KIRREL1: variants seen among roughly 807,000 people sequenced by gnomAD.
KIRREL1 encodes kin of IRRE-like protein 1.
A neutral mutation model predicts 83.3 loss-of-function variants in KIRREL1; 25 were observed. The ratio of observed to expected loss-of-function variants is 0.30; its 90% CI spans 0.22 to 0.42. The LOEUF (loss-of-function observed/expected upper bound fraction) is 0.42, where lower values mean the gene tolerates loss of function less well. Among genes scored for constraint, KIRREL1 ranks in the 10% least tolerant of loss-of-function variants. KIRREL1 has a pLI of 1.00. For missense variants in KIRREL1, 812 were observed against 1,032.3 expected, an observed-to-expected ratio of 0.79 and a Z score of 2.92; for synonymous variants, 388 against 410.4, an observed-to-expected ratio of 0.95 and a Z score of 0.66.
At position 158,095,995 on chromosome 1, in the gene KIRREL1, GA is replaced by G. The variant is rs1365498407; in HGVS notation, c.*876del. On this transcript the variant is annotated 3_prime_UTR_variant, in exon 15 of 15. Transcript: ENST00000359209. ...GCCCCACTTCCTGGCTTTAACTCTT[GA>G]GCTGGTTTGGGGAGTGGTGAGGTAG... The G allele has an allele frequency of 1.3e-5, 2 of 155,490 alleles. No homozygotes were observed. Among genetic ancestry groups the G allele is most frequent in the African/African-American group, 4.8e-5 (2 of 41,456 alleles). The allele number at this position is 155,490 out of a possible 1,614,324, so 9.6% of individuals were successfully genotyped here. A position where few individuals can be genotyped will look rare whatever the true frequency, so the allele number is the denominator to read the frequency against.
chr1:158,051,168 G>A (rs1000326081), intron 1 of KIRREL1, among the ~76,000 whole-genome samples: 2 of 152,214 alleles, frequency 1.3e-5, no homozygotes, highest in Non-Finnish European at 2.9e-5. Context: ...GCAGCCCAGT[G>A]TAGTTGCAAG....
At chr1:158,067,369 G>C (rs1437429303) in intron 1 of KIRREL1, among the ~76,000 whole-genome samples, 1 of 152,152 alleles carries the variant, frequency 6.6e-6, no homozygotes, top group East Asian at 1.9e-4. Context: ...CACACCCACA[G>C]ACCTCCCTCC....
At chr1:158,073,791 C>G (rs138414520) in intron 1 of KIRREL1, among the ~76,000 whole-genome samples, 22 of 152,348 alleles carry the variant, frequency 1.4e-4, no homozygotes, top group Non-Finnish European at 5.9e-5. Context: ...TGCTTCCCAT[C>G]TCCATCTTGC....
Position 158,086,869 on chromosome 1 carries a change from T to C in KIRREL1, c.661+123T>C, listed in dbSNP as rs373621646. On this transcript the variant is annotated intron_variant, in intron 5 of 14. Coordinates refer to ENST00000359209, the MANE Select transcript of KIRREL1 (RefSeq NM_018240.7). ...CCCCTATGGTCCCCAGGACAAACGC[T>C]TGCCTTCTTCACATCTTTCATTCCC... 5.6e-5 allele frequency: 47 copies of C among 842,764 alleles called. No homozygotes were observed. The East Asian group carries it at 7.8e-4, about 14-fold the overall frequency. The allele number at this position is 842,764 out of a possible 1,614,324, so 52.2% of individuals were successfully genotyped here.
rs564050537 is a variant in KIRREL1 at position 158,097,459 on chromosome 1, G to T, written c.*2339G>T. 3.3e-5 allele frequency: 7 copies of T among 213,894 alleles called. No individual in the cohort carries two copies. Among genetic ancestry groups the T allele is most frequent in the Non-Finnish European group, 6.5e-5 (7 of 107,514 alleles). 13.2% of individuals were successfully genotyped at this position (213,894 alleles called of 1,614,324 possible). On this transcript the variant is annotated 3_prime_UTR_variant, in exon 15 of 15. Transcript: ENST00000359209. The stretch of plus-strand genomic sequence containing the variant: ...GTTACTAGGTAATTGAGCTGATGGT[G>T]CAGGGAGAATTGTTGAGAAAGGAAG...
At chr1:158,017,646 T>G (rs1025310232) in intron 1 of KIRREL1, among the ~76,000 whole-genome samples, 1 of 152,000 alleles carries the variant, frequency 6.6e-6, no homozygotes, top group Non-Finnish European at 1.5e-5. Flanking sequence ...GAGCCGAGAT[T>G]GCGCTACTGC....
At chr1:158,042,336 G>A (rs1326582610) in intron 1 of KIRREL1, among the ~76,000 whole-genome samples, 1 of 152,240 alleles carries the variant, frequency 6.6e-6, no homozygotes, top group African/African-American at 2.4e-5. Flanking sequence ...GGCACCAGTT[G>A]AGAGTGACCT....
chr1:158,017,509 T>G (rs1226916372), intron 1 of KIRREL1, among the ~76,000 whole-genome samples: 1 of 151,890 alleles, frequency 6.6e-6, no homozygotes, highest in African/African-American at 2.4e-5. Context: ...CTGGCCAACA[T>G]GGTGAAATCT....
intron 1 of KIRREL1, among the ~76,000 whole-genome samples, chr1:158,057,853 C>A (rs1011836889): frequency 6.6e-6 from 1 of 152,200 alleles, no homozygotes; most frequent in Non-Finnish European, 1.5e-5. Flanking sequence ...TGTCTTTGGA[C>A]CTCAGTGTCC....
intron 1 of KIRREL1, among the ~76,000 whole-genome samples, chr1:158,056,019 C>T (rs1260169649): frequency 1.3e-5 from 2 of 152,214 alleles, no homozygotes; most frequent in Admixed American, 6.5e-5. Context: ...CCCTCAGCCC[C>T]ATCCCCCTCC....
intron 1 of KIRREL1, among the ~76,000 whole-genome samples, chr1:158,007,742 G>A (rs1328690998): frequency 2.0e-5 from 3 of 151,972 alleles, no homozygotes; most frequent in Non-Finnish European, 4.4e-5. Context: ...AAGGGTAGGA[G>A]GGTAGGACAA....
At chr1:158,079,216 T>C (rs1422589317) in intron 3 of KIRREL1, among the ~76,000 whole-genome samples, 2 of 152,234 alleles carry the variant, frequency 1.3e-5, no homozygotes, top group Non-Finnish European at 2.9e-5. Context: ...TTGAAATCAC[T>C]GAATTTGCGG....
At chr1:158,050,493 A>G (rs1245707123) in intron 1 of KIRREL1, among the ~76,000 whole-genome samples, 1 of 152,056 alleles carries the variant, frequency 6.6e-6, no homozygotes, top group African/African-American at 2.4e-5. Context: ...ACATCCCTCG[A>G]ACATTAAACA....
chr1:158,093,228 A>T, intron 11 of KIRREL1, 111 bp from the exon 12 acceptor site: 1 of 846,014 alleles, frequency 1.2e-6, no homozygotes, highest in Non-Finnish European at 2.0e-6. Flanking sequence ...TTAGCCCTGT[A>T]CACAAGCCAA....
At chr1:158,033,070 C>T (rs947512021) in intron 1 of KIRREL1, among the ~76,000 whole-genome samples, 3 of 151,882 alleles carry the variant, frequency 2.0e-5, no homozygotes, top group South Asian at 2.1e-4. Flanking sequence ...TGCGCCCGGC[C>T]GGGATCCTCA....
chr1:158,014,392 C>T (rs950867078), intron 1 of KIRREL1, among the ~76,000 whole-genome samples: 5 of 152,084 alleles, frequency 3.3e-5, no homozygotes, highest in South Asian at 2.1e-4. Context: ...GAACAAAAAC[C>T]ATTCAGAGAT....
rs578076562 is a variant in KIRREL1 at position 158,038,854 on chromosome 1, C to T, written c.53-37259C>T. ...TCCAGAAGAGTGGTACGTAGTAGGT[C>T]TTCAATAAACATTGATTGGCTCCAG... On this transcript the variant is annotated intron_variant, in intron 1 of 14. Coordinates refer to ENST00000359209, the MANE Select transcript of KIRREL1 (RefSeq NM_018240.7). Among the ~76,000 whole-genome samples the T allele has an allele frequency of 2.0e-5, 3 of 152,294 alleles. No homozygotes were observed. The East Asian group carries it at 5.8e-4, about 29-fold the overall frequency.
intron 1 of KIRREL1, among the ~76,000 whole-genome samples, chr1:158,034,755 A>G (rs959503159): frequency 6.6e-6 from 1 of 152,184 alleles, no homozygotes; most frequent in Non-Finnish European, 1.5e-5. Context: ...TACTTAGGCA[A>G]TAGGGGTTGA....
At chr1:158,053,800 G>A (rs985616513) in intron 1 of KIRREL1, among the ~76,000 whole-genome samples, 8 of 152,172 alleles carry the variant, frequency 5.3e-5, no homozygotes, top group African/African-American at 1.9e-4. Context: ...CTGGCACATA[G>A]TAGGTCCCCA....
Sources: allele counts gnomAD v4.1 joint callset (sites outside exome capture counted in the v4.1 genomes callset), GRCh38; gene constraint gnomAD v4.1.1; transcripts MANE v1.5; gene names NCBI Gene and HGNC (gene_info 2026-07-23, HGNC 2026-07-21).